NCAM2: variants seen among roughly 807,000 people sequenced by gnomAD.
The protein encoded by NCAM2 is N-CAM-2.
In NCAM2, 30 loss-of-function variants were observed where a neutral mutation model predicts 98.1. The observed-to-expected ratio is 0.31, with a 90% CI of 0.23 to 0.41. NCAM2 has a LOEUF of 0.41. NCAM2 is among the 10% of genes least tolerant of loss of function. NCAM2 has a pLI of 1.00. For synonymous variants in NCAM2, 368 were observed against 342.4 expected, an observed-to-expected ratio of 1.07 and a Z score of -0.83; for missense variants, 867 against 1,005.8, an observed-to-expected ratio of 0.86 and a Z score of 1.87.
intron 5 of NCAM2, among the ~76,000 whole-genome samples, chr21:21,302,107 A>G (rs9917506): frequency 0.71 from 103,585 of 146,856 alleles, 36,976 homozygotes; most frequent in South Asian, 0.81. Flanking sequence ...CCATCCCATT[A>G]GTGGGTATAT....
chr21:21,269,224 C>T (rs1000310589), intron 1 of NCAM2, among the ~76,000 whole-genome samples: 1 of 152,010 alleles, frequency 6.6e-6, no homozygotes, highest in Admixed American at 6.6e-5. Flanking sequence ...CATAAATGTC[C>T]CTGGCTATAA....
intron 1 of NCAM2, among the ~76,000 whole-genome samples, chr21:21,269,803 A>G (rs1445815313): frequency 6.6e-6 from 1 of 152,146 alleles, no homozygotes; most frequent in Non-Finnish European, 1.5e-5. Context: ...CAGTACTCTG[A>G]TAAGTTTCAC....
intron 1 of NCAM2, among the ~76,000 whole-genome samples, chr21:21,274,926 T>G (rs1490142900): frequency 6.6e-6 from 1 of 152,104 alleles, no homozygotes; most frequent in Non-Finnish European, 1.5e-5. Flanking sequence ...CACTGCTAAA[T>G]GTTGTATCAA....
chr21:21,452,181 C>A (rs986259495), intron 12 of NCAM2, among the ~76,000 whole-genome samples: 3 of 150,194 alleles, frequency 2.0e-5, no homozygotes, highest in African/African-American at 7.3e-5. Context: ...CACACACACA[C>A]ACACACACAC....
At chr21:21,519,402 A>AATAT (rs1451073375) in intron 16 of NCAM2, among the ~76,000 whole-genome samples, 1 of 152,106 alleles carries the variant, frequency 6.6e-6, no homozygotes. Flanking sequence ...CACTTATATA[A>AATAT]GAGTGAGTAT....
chr21:21,512,051 ACTTCAC>A lies in NCAM2; in HGVS notation c.2282+2997_2282+3002del, dbSNP rs1415892772. Among the ~76,000 whole-genome samples, 11 of 151,874 alleles carry A rather than the reference ACTTCAC, an allele frequency of 7.2e-5. No homozygotes were observed. The East Asian group carries it at 2.1e-3, about 29-fold the overall frequency. On this transcript the variant is annotated intron_variant, in intron 16 of 17. Transcript: ENST00000400546. ...ATGTCCTCCTATTCTGTGGGTTGTCACTTCACTTTGTTAATTGTTTCCTTTAGTGTT... is the reference window on the plus strand; with the variant it reads ...ATGTCCTCCTATTCTGTGGGTTGTCATTTGTTAATTGTTTCCTTTAGTGTT...
At chr21:21,462,415 G>C (rs1362998494) in intron 12 of NCAM2, among the ~76,000 whole-genome samples, 1 of 151,968 alleles carries the variant, frequency 6.6e-6, no homozygotes, top group East Asian at 1.9e-4. Context: ...TGATGTCGTT[G>C]CTGCAATTGT....
intron 1 of NCAM2, among the ~76,000 whole-genome samples, chr21:21,025,119 A>T (rs946248124): frequency 1.3e-5 from 2 of 151,170 alleles, no homozygotes; most frequent in Admixed American, 6.6e-5. Flanking sequence ...GGAGTCTCGC[A>T]CTGTAGCCCA....
intron 1 of NCAM2, among the ~76,000 whole-genome samples, chr21:21,168,010 A>T (rs1320021968): frequency 2.6e-5 from 4 of 152,166 alleles, no homozygotes; most frequent in Non-Finnish European, 4.4e-5. Context: ...TAAGAAAAAA[A>T]ACTACAGTCC....
chr21:21,044,155 G>T (rs2064963486), intron 1 of NCAM2, among the ~76,000 whole-genome samples: 1 of 152,066 alleles, frequency 6.6e-6, no homozygotes, highest in African/African-American at 2.4e-5. Flanking sequence ...TATCCTAAGG[G>T]TATGTATTTC....
intron 8 of NCAM2, among the ~76,000 whole-genome samples, chr21:21,344,663 C>T (rs1400173687): frequency 2.0e-5 from 3 of 152,100 alleles, no homozygotes. Flanking sequence ...TCTCTGACTC[C>T]TAGACAGCAC....
chr21:21,280,742 C>A, intron 2 of NCAM2, 90 bp downstream of exon 2: 1 of 809,524 alleles, frequency 1.2e-6, no homozygotes. Context: ...GTTAAAAACT[C>A]AGTTCTCTAA....
chr21:21,526,820 A>G (rs985534956), intron 16 of NCAM2, among the ~76,000 whole-genome samples: 1 of 152,136 alleles, frequency 6.6e-6, no homozygotes, highest in Non-Finnish European at 1.5e-5. Flanking sequence ...ATAGACCTAC[A>G]TAAATATACT....
chr21:21,129,366 A>G (rs185446482), intron 1 of NCAM2, among the ~76,000 whole-genome samples: 1 of 152,202 alleles, frequency 6.6e-6, no homozygotes, highest in Non-Finnish European at 1.5e-5. Context: ...TAATTTAATT[A>G]TAGCAAATAA....
At chr21:21,472,526 T>C (rs1984574753) in intron 14 of NCAM2, among the ~76,000 whole-genome samples, 1 of 152,074 alleles carries the variant, frequency 6.6e-6, no homozygotes, top group Non-Finnish European at 1.5e-5. Context: ...TTTTAGTAAT[T>C]TTTCTTTGCT....
intron 9 of NCAM2, among the ~76,000 whole-genome samples, chr21:21,381,131 G>C (rs2076145318): frequency 6.6e-6 from 1 of 152,160 alleles, no homozygotes; most frequent in Non-Finnish European, 1.5e-5. Flanking sequence ...TTAACAAGCA[G>C]TCAGTAATTA....
rs111554898 is a variant in NCAM2, at chr21:21,038,215, A to G, written c.55+39597A>G. On this transcript the variant is annotated intron_variant, in intron 1 of 17. Coordinates refer to ENST00000400546, the MANE Select transcript of NCAM2 (RefSeq NM_004540.5). ...TGACAAGGTTGACATTTATTTCCAC[A>G]TAAGAATGATACAGATATATAGAAA... 3.2e-3 allele frequency among the ~76,000 whole-genome samples: 488 copies of G among 152,340 alleles called. 10 individuals carry two copies. The South Asian group carries it at 0.039, about 12-fold the overall frequency.
At chr21:21,289,165 T>C (rs143637308) in intron 4 of NCAM2, among the ~76,000 whole-genome samples, 126 of 152,062 alleles carry the variant, frequency 8.3e-4, no homozygotes, top group African/African-American at 2.9e-3. Flanking sequence ...AAAAAACTGA[T>C]TAAAATTACC....
At chr21:21,429,909 C>A (rs754351952) in intron 11 of NCAM2, among the ~76,000 whole-genome samples, 42 of 152,134 alleles carry the variant, frequency 2.8e-4, no homozygotes, top group Non-Finnish European at 4.9e-4. Flanking sequence ...TAAAGCTGTG[C>A]TCCTGGCTCT....
Sources: allele counts gnomAD v4.1 joint callset (sites outside exome capture counted in the v4.1 genomes callset), GRCh38; gene constraint gnomAD v4.1.1; transcripts MANE v1.5; gene names NCBI Gene and HGNC (gene_info 2026-07-23, HGNC 2026-07-21).